Variants in NPY2R observed in about 807,000 individuals in gnomAD.
NPY2R encodes neuropeptide Y receptor Y2.
Under a neutral mutation model 22.3 loss-of-function variants are expected in NPY2R, and 17 were observed. That is an observed-to-expected ratio of 0.76 (90% CI 0.52 to 1.14). NPY2R has a LOEUF of 1.14. Among genes scored for constraint, NPY2R ranks in the 50% most tolerant of loss-of-function variants. The pLI, the probability that NPY2R is intolerant of heterozygous loss-of-function variation, is 0.00. For synonymous variants in NPY2R, 209 were observed against 183.4 expected, an observed-to-expected ratio of 1.14 and a Z score of -1.13; for missense variants, 424 against 467.9, an observed-to-expected ratio of 0.91 and a Z score of 0.87.
At chr4:155,193,190 A>G in the NPY2R span, among the ~76,000 whole-genome samples, 1 of 151,914 alleles carries the variant, frequency 6.6e-6, no homozygotes, top group Non-Finnish European at 1.5e-5. Flanking sequence ...GAGACTATAT[A>G]TATATACGGT....
At chr4:155,195,048 T>C in the NPY2R span, among the ~76,000 whole-genome samples, 4 of 152,090 alleles carry the variant, frequency 2.6e-5, no homozygotes, top group African/African-American at 9.6e-5. Flanking sequence ...ACTACAAAGT[T>C]AATTAAGCAA....
chr4:155,200,100 A>G, the NPY2R span, among the ~76,000 whole-genome samples: 1 of 152,146 alleles, frequency 6.6e-6, no homozygotes, highest in African/African-American at 2.4e-5. Flanking sequence ...CAATATACCC[A>G]TTTGACAAAG....
chr4:155,200,572 T>C, the NPY2R span, among the ~76,000 whole-genome samples: 3 of 152,272 alleles, frequency 2.0e-5, no homozygotes, highest in East Asian at 5.8e-4. Context: ...ACTGCAGCAC[T>C]ATTTACAATA....
chr4:155,202,493 TC>T, the NPY2R span, among the ~76,000 whole-genome samples: 5 of 152,180 alleles, frequency 3.3e-5, no homozygotes, highest in Non-Finnish European at 7.4e-5. Context: ...AATAAAGATT[TC>T]TTTGTAGGAG....
chr4:155,186,937 C>T, the NPY2R span, among the ~76,000 whole-genome samples: 13,386 of 147,284 alleles, frequency 0.091, 871 homozygotes, highest in South Asian at 0.29. Context: ...AAGTCTAACA[C>T]ATATAAGTAT....
upstream of NPY2R, among the ~76,000 whole-genome samples, chr4:155,206,331 C>G (rs1451638488): frequency 6.6e-6 from 1 of 152,210 alleles, no homozygotes. Context: ...CCACAAACTC[C>G]CAAACTCCTG....
chr4:155,206,804 C>T (rs2111030359), upstream of NPY2R: 1 of 152,306 alleles, frequency 6.6e-6, no homozygotes, highest in East Asian at 1.9e-4. Flanking sequence ...ATCTGTTTTG[C>T]TGGATATTTG....
the NPY2R span, among the ~76,000 whole-genome samples, chr4:155,194,264 G>T: frequency 4.6e-5 from 7 of 151,764 alleles, no homozygotes; most frequent in Admixed American, 4.6e-4. Flanking sequence ...TTTTATTTTA[G>T]GTTCAGGACA....
the NPY2R span, among the ~76,000 whole-genome samples, chr4:155,177,535 C>T: frequency 9.9e-5 from 15 of 152,162 alleles, no homozygotes; most frequent in African/African-American, 3.6e-4. Context: ...AAGCCCCCTG[C>T]CTACAGTTTT....
chr4:155,181,328 T>A, the NPY2R span, among the ~76,000 whole-genome samples: 130 of 152,298 alleles, frequency 8.5e-4, no homozygotes, highest in Non-Finnish European at 1.5e-3. Context: ...CACACATTTC[T>A]GAAGCACAGA....
chr4:155,187,070 T>C, the NPY2R span, among the ~76,000 whole-genome samples: 1 of 152,128 alleles, frequency 6.6e-6, no homozygotes, highest in Non-Finnish European at 1.5e-5. Context: ...CAGAATCTAA[T>C]TAATTGGAAC....
the NPY2R span, among the ~76,000 whole-genome samples, chr4:155,186,292 C>G: frequency 1.3e-5 from 2 of 152,030 alleles, no homozygotes; most frequent in Non-Finnish European, 2.9e-5. Context: ...TTATATTAAC[C>G]ATAATGATAA....
chr4:155,214,345 G>A lies in NPY2R; in HGVS notation c.406G>A (p.Val136Ile). Residue 136 changes from valine (V) to isoleucine (I), a missense_variant, in exon 2 of 2, where the codon GTA becomes ATA. Transcript: ENST00000329476. ...CTATGCCCAGGGCCTGGCAGTACAA[G>A]TATCCACAATCACCTTGACAGTAAT... ...VPYAQGLAVQ[V>I]STITLTVIAL... 6 of 1,614,146 alleles carry A rather than the reference G, an allele frequency of 3.7e-6. No individual in the cohort carries two copies. Among genetic ancestry groups the A allele is most frequent in the Non-Finnish European group, 5.1e-6 (6 of 1,180,034 alleles).
At chr4:155,194,356 G>A in the NPY2R span, among the ~76,000 whole-genome samples, 2 of 150,206 alleles carry the variant, frequency 1.3e-5, no homozygotes, top group Admixed American at 6.6e-5. Context: ...CAGGCAGTGA[G>A]CATAGTCCCC....
At chr4:155,189,501 C>A in the NPY2R span, among the ~76,000 whole-genome samples, 1 of 151,944 alleles carries the variant, frequency 6.6e-6, no homozygotes, top group Non-Finnish European at 1.5e-5. Flanking sequence ...CACCTTGTGA[C>A]ATAATTAATT....
chr4:155,180,014 T>G, the NPY2R span, among the ~76,000 whole-genome samples: 3 of 28,660 alleles, frequency 1.0e-4, no homozygotes, highest in Non-Finnish European at 1.6e-4. Flanking sequence ...TTTTATTTTG[T>G]TTTTTTTTTT....
At chr4:155,184,530 T>C in the NPY2R span, among the ~76,000 whole-genome samples, 3 of 152,184 alleles carry the variant, frequency 2.0e-5, no homozygotes, top group Non-Finnish European at 4.4e-5. Flanking sequence ...TGGATTTCTC[T>C]GTCCTAGAGA....
At chr4:155,185,828 A>G in the NPY2R span, among the ~76,000 whole-genome samples, 2 of 152,180 alleles carry the variant, frequency 1.3e-5, no homozygotes, top group East Asian at 3.8e-4. Flanking sequence ...ATAGTTTTTT[A>G]AGAAAGCATA....
At chr4:155,188,707 A>T in the NPY2R span, among the ~76,000 whole-genome samples, 1 of 152,118 alleles carries the variant, frequency 6.6e-6, no homozygotes, top group East Asian at 1.9e-4. Flanking sequence ...AAGGAGATGA[A>T]GCTCTCAGTC....
Sources: gnomAD v4.1 joint callset for allele counts (sites outside exome capture counted in the v4.1 genomes callset) on GRCh38, gnomAD v4.1.1 for gene constraint, MANE v1.5 for transcripts, NCBI Gene and HGNC (gene_info 2026-07-23, HGNC 2026-07-21) for gene names.